The following CELF4 variants were observed in gnomAD, a reference collection of about 807,000 sequenced individuals.
The protein encoded by CELF4 is CUG-BP- and ETR-3-like factor 4.
A neutral mutation model predicts 59.9 loss-of-function variants in CELF4; 18 were observed. That is an observed-to-expected ratio of 0.30 (90% CI 0.21 to 0.45). The LOEUF (loss-of-function observed/expected upper bound fraction) is 0.45, where lower values mean the gene tolerates loss of function less well. Ranked by LOEUF, CELF4 falls within the 20% of genes least tolerant of loss-of-function variation. The probability of loss-of-function intolerance (pLI) is 1.00; values close to 1 mark genes in which losing one functional copy is unlikely to be tolerated. For missense variants in CELF4, 456 were observed against 689.0 expected, an observed-to-expected ratio of 0.66 and a Z score of 3.79; for synonymous variants, 261 against 267.1, an observed-to-expected ratio of 0.98 and a Z score of 0.22.
intron 1 of CELF4, among the ~76,000 whole-genome samples, chr18:37,505,780 T>C (rs1275090520): frequency 6.6e-6 from 1 of 152,196 alleles, no homozygotes; most frequent in African/African-American, 2.4e-5. Flanking sequence ...GGATCGATAG[T>C]GTGAACTGTG....
chr18:37,383,112 C>T (rs1007242054), intron 2 of CELF4, among the ~76,000 whole-genome samples: 5 of 152,278 alleles, frequency 3.3e-5, no homozygotes, highest in Admixed American at 2.6e-4. Context: ...TAGTCTTCAA[C>T]TCCTGGGCTC....
At chr18:37,536,905 C>G (rs1272676111) in intron 1 of CELF4, among the ~76,000 whole-genome samples, 1 of 152,194 alleles carries the variant, frequency 6.6e-6, no homozygotes, top group Non-Finnish European at 1.5e-5. Context: ...GATGCCCCAC[C>G]TTGCCAGGGG....
intron 3 of CELF4, among the ~76,000 whole-genome samples, chr18:37,309,805 A>G (rs2096579784): frequency 6.7e-6 from 1 of 149,600 alleles, no homozygotes; most frequent in African/African-American, 2.5e-5. Context: ...CCATTTCTTC[A>G]TTACTTTGAA....
At chr18:37,255,426 C>T (rs899402307) in intron 11 of CELF4, among the ~76,000 whole-genome samples, 14 of 151,580 alleles carry the variant, frequency 9.2e-5, no homozygotes, top group Non-Finnish European at 1.6e-4. Context: ...CTCCTACAGC[C>T]GAACAAGCGC....
At chr18:37,520,371 TCTC>T (rs1472141304) in intron 1 of CELF4, among the ~76,000 whole-genome samples, 1 of 152,012 alleles carries the variant, frequency 6.6e-6, no homozygotes, top group African/African-American at 2.4e-5. Flanking sequence ...GGGCATGTCT[TCTC>T]CTCCCCATTT....
Position 37,274,361 on chromosome 18 carries a change from A to C in CELF4, c.751T>G (p.Phe251Val). The change falls in exon 6 of 13, where the codon TTC becomes GTC. Residue 251 changes from phenylalanine (F) to valine (V), a missense_variant. Transcript: ENST00000420428. ...CCGAAAGGGATGGCCATGGGGTTGA[A>C]CATGCCCATCTGGCCAGCCATCTGC... ...MQQMAGQMGM[F>V]NPMAIPFGAY... is the part of the protein sequence containing the mutation. 6.2e-7 allele frequency: 1 copy of C among 1,613,548 alleles called. No individual in the cohort carries two copies. The highest frequency in any genetic ancestry group is 8.5e-7 in the Non-Finnish European group (1 of 1,179,956).
At chr18:37,328,764 A>C (rs1449378193) in intron 2 of CELF4, among the ~76,000 whole-genome samples, 1 of 152,060 alleles carries the variant, frequency 6.6e-6, no homozygotes, top group African/African-American at 2.4e-5. Context: ...TCTGCCCTCC[A>C]ACCCCACCCC....
intron 2 of CELF4, among the ~76,000 whole-genome samples, chr18:37,383,884 G>A (rs1038554421): frequency 6.6e-6 from 1 of 152,154 alleles, no homozygotes. Flanking sequence ...GACCCTCAGC[G>A]ATTGGAAAAG....
At chr18:37,555,391 C>T (rs983477403) in intron 1 of CELF4, among the ~76,000 whole-genome samples, 2 of 152,142 alleles carry the variant, frequency 1.3e-5, no homozygotes, top group Non-Finnish European at 2.9e-5. Context: ...GTGTTCTCAC[C>T]GGTCACTCAG....
At chr18:37,496,356 G>A (rs1462811960) in intron 1 of CELF4, among the ~76,000 whole-genome samples, 2 of 152,182 alleles carry the variant, frequency 1.3e-5, no homozygotes, top group Admixed American at 1.3e-4. Context: ...GCTGGGTTGA[G>A]CTGAACAAAA....
intron 1 of CELF4, among the ~76,000 whole-genome samples, chr18:37,557,583 C>A (rs1388792248): frequency 6.6e-6 from 1 of 152,172 alleles, no homozygotes; most frequent in African/African-American, 2.4e-5. Flanking sequence ...GATCTGTAGC[C>A]ACTCTTAACA....
At chr18:37,257,197 C>T (rs998592780) in intron 11 of CELF4, among the ~76,000 whole-genome samples, 2 of 152,192 alleles carry the variant, frequency 1.3e-5, no homozygotes, top group Non-Finnish European at 2.9e-5. Context: ...CACCCACACC[C>T]GGGATGGTGC....
At chr18:37,351,685 A>T (rs1186737229) in intron 2 of CELF4, among the ~76,000 whole-genome samples, 1 of 145,738 alleles carries the variant, frequency 6.9e-6, no homozygotes, top group Non-Finnish European at 1.5e-5. Context: ...ATCTTGGCTC[A>T]CTGCAGCCTC....
At chr18:37,475,026 G>C (rs967833611) in intron 2 of CELF4, among the ~76,000 whole-genome samples, 1 of 152,232 alleles carries the variant, frequency 6.6e-6, no homozygotes, top group Non-Finnish European at 1.5e-5. Flanking sequence ...CTGGCCCCTT[G>C]GGTGGGATGA....
chr18:37,557,062 C>A (rs1190281894), intron 1 of CELF4, among the ~76,000 whole-genome samples: 1 of 152,186 alleles, frequency 6.6e-6, no homozygotes, highest in Admixed American at 6.5e-5. Context: ...ACAGCATCAT[C>A]TATGCATGCT....
At chr18:37,429,350 G>T (rs1424019657) in intron 2 of CELF4, among the ~76,000 whole-genome samples, 1 of 152,098 alleles carries the variant, frequency 6.6e-6, no homozygotes, top group African/African-American at 2.4e-5. Context: ...GTGCCTCTGT[G>T]TGTGCTCTGT....
At chr18:37,444,235 T>C (rs2099741348) in intron 2 of CELF4, among the ~76,000 whole-genome samples, 1 of 152,118 alleles carries the variant, frequency 6.6e-6, no homozygotes, top group Admixed American at 6.5e-5. Flanking sequence ...GCATTTGGTA[T>C]CCAGGCACCT....
intron 3 of CELF4, among the ~76,000 whole-genome samples, chr18:37,312,845 C>T (rs1466997335): frequency 6.6e-6 from 1 of 152,162 alleles, no homozygotes; most frequent in Non-Finnish European, 1.5e-5. Flanking sequence ...TGATGCCTCC[C>T]CAGGACCCTT....
chr18:37,360,369 C>A (rs905334428), intron 2 of CELF4, among the ~76,000 whole-genome samples: 71 of 152,334 alleles, frequency 4.7e-4, no homozygotes, highest in African/African-American at 1.7e-3. Context: ...CCACCGGCTG[C>A]ACAGGAACCA....
Sources: allele counts gnomAD v4.1 joint callset (sites outside exome capture counted in the v4.1 genomes callset), GRCh38; gene constraint gnomAD v4.1.1; transcripts MANE v1.5; gene names NCBI Gene and HGNC (gene_info 2026-07-23, HGNC 2026-07-21).